The following ZFHX4 variants were observed in gnomAD, a reference collection of about 807,000 sequenced individuals.
ZFHX4 encodes zinc finger homeobox protein 4.
A neutral mutation model predicts 267.6 loss-of-function variants in ZFHX4; 56 were observed. The ratio of observed to expected loss-of-function variants is 0.21; its 90% CI spans 0.17 to 0.26. The LOEUF (loss-of-function observed/expected upper bound fraction) is 0.26. ZFHX4 is among the 10% of genes least tolerant of loss of function. The probability of loss-of-function intolerance (pLI) is 1.00; values close to 1 mark genes in which losing one functional copy is unlikely to be tolerated. For missense variants in ZFHX4, 4,332 were observed against 4,420.0 expected, an observed-to-expected ratio of 0.98 and a Z score of 0.56; for synonymous variants, 1,778 against 1,665.6, an observed-to-expected ratio of 1.07 and a Z score of -1.64.
intron 3 of ZFHX4, among the ~76,000 whole-genome samples, chr8:76,734,044 A>G (rs1262819042): frequency 1.3e-5 from 2 of 152,204 alleles, no homozygotes; most frequent in Admixed American, 1.3e-4. Context: ...GTATTGCTCT[A>G]TGAATACTTT....
intron 4 of ZFHX4, among the ~76,000 whole-genome samples, chr8:76,822,025 A>G (rs1183980254): frequency 3.9e-5 from 6 of 151,960 alleles, no homozygotes; most frequent in Admixed American, 3.3e-4. Context: ...ACATACACAC[A>G]CATGCACACA....
At chr8:76,718,280 A>G (rs1808630342) in intron 3 of ZFHX4, among the ~76,000 whole-genome samples, 1 of 152,202 alleles carries the variant, frequency 6.6e-6, no homozygotes, top group South Asian at 2.1e-4. Context: ...ATTTTATTTA[A>G]TGAATTTACA....
intron 4 of ZFHX4, among the ~76,000 whole-genome samples, chr8:76,814,659 T>C (rs1228422973): frequency 2.0e-5 from 3 of 152,216 alleles, no homozygotes; most frequent in Non-Finnish European, 4.4e-5. Flanking sequence ...TTGGCATTAC[T>C]GTGTTTAATG....
intron 4 of ZFHX4, among the ~76,000 whole-genome samples, chr8:76,823,394 T>A (rs1459423102): frequency 6.6e-6 from 1 of 152,222 alleles, no homozygotes; most frequent in Non-Finnish European, 1.5e-5. Flanking sequence ...CATTAATGAA[T>A]GATTTATTAA....
At chr8:76,721,730 G>T (rs537981143) in intron 3 of ZFHX4, among the ~76,000 whole-genome samples, 1 of 152,100 alleles carries the variant, frequency 6.6e-6, no homozygotes, top group African/African-American at 2.4e-5. Context: ...CTTTGATAAA[G>T]AGTGTCTCTG....
Position 76,865,464 on chromosome 8 carries a change from T to A in ZFHX4, c.*899T>A, listed in dbSNP as rs958444940. On this transcript the variant is annotated 3_prime_UTR_variant, in exon 11 of 11. Transcript: ENST00000651372. ...TTGTGTCTGAACTCTAGTGCACTTA[T>A]GATTTTGTAGACCATGTGAAATTTA... 10 of 152,612 alleles carry A rather than the reference T, an allele frequency of 6.6e-5. No individual in the cohort carries two copies. The highest frequency in any genetic ancestry group is 1.0e-4 in the Non-Finnish European group (7 of 68,026). The allele number at this position is 152,612 out of a possible 1,614,324, so 9.5% of individuals were successfully genotyped here. A position where few individuals can be genotyped will look rare whatever the true frequency, so the allele number is the denominator to read the frequency against.
intron 3 of ZFHX4, among the ~76,000 whole-genome samples, chr8:76,776,341 A>G (rs747159266): frequency 2.0e-5 from 3 of 152,020 alleles, no homozygotes; most frequent in Non-Finnish European, 4.4e-5. Flanking sequence ...TATAATAGCA[A>G]ATACCACCCC....
intron 4 of ZFHX4, among the ~76,000 whole-genome samples, chr8:76,824,263 G>A (rs368817946): frequency 6.6e-6 from 1 of 152,296 alleles, no homozygotes; most frequent in Non-Finnish European, 1.5e-5. Context: ...TCTTAATGGT[G>A]TGTTCAGTAA....
chr8:76,815,165 T>A (rs1161058672), intron 4 of ZFHX4, among the ~76,000 whole-genome samples: 1 of 152,130 alleles, frequency 6.6e-6, no homozygotes, highest in East Asian at 1.9e-4. Flanking sequence ...AGACTTGAGA[T>A]AATGAATATG....
At chr8:76,749,342 C>G (rs1809554974) in intron 3 of ZFHX4, among the ~76,000 whole-genome samples, 1 of 152,058 alleles carries the variant, frequency 6.6e-6, no homozygotes, top group Non-Finnish European at 1.5e-5. Context: ...GACTCTTTGT[C>G]AATTTCTAGA....
chr8:76,808,515 T>C (rs548565700), intron 4 of ZFHX4, among the ~76,000 whole-genome samples: 40 of 152,278 alleles, frequency 2.6e-4, no homozygotes, highest in African/African-American at 8.9e-4. Flanking sequence ...CCAGCGCAAA[T>C]GACTGAATCG....
At position 76,852,962 on chromosome 8, in the gene ZFHX4, C is replaced by G. The variant is rs1265755124; in HGVS notation, c.6041C>G (p.Pro2014Arg). 6.4e-7 allele frequency: 1 copy of G among 1,567,030 alleles called. No homozygotes were observed. Among genetic ancestry groups the G allele is most frequent in the Non-Finnish European group, 8.7e-7 (1 of 1,154,976 alleles). ...PPPPPPPPLP[P>R]APPQPSSMGP... is the part of the protein sequence containing the mutation. The stretch of plus-strand genomic sequence containing the variant: ...CCACCTCCTCCTCCTCCCTTGCCTC[C>G]GGCTCCTCCACAGCCTTCTTCTATG... Residue 2014 changes from proline (P) to arginine (R), a missense_variant, in exon 10 of 11, where the codon CCG (proline) becomes CGG (arginine). Pro to Arg is a moderately radical substitution (Grantham distance 103, BLOSUM62 -2). Transcript: ENST00000651372.
chr8:76,782,850 C>T (rs984786723), intron 4 of ZFHX4, among the ~76,000 whole-genome samples: 4 of 151,952 alleles, frequency 2.6e-5, no homozygotes, highest in South Asian at 2.1e-4. Context: ...CTTGTTAAAA[C>T]GATTCTTTAA....
At chr8:76,811,269 A>T (rs530471222) in intron 4 of ZFHX4, among the ~76,000 whole-genome samples, 1 of 152,320 alleles carries the variant, frequency 6.6e-6, no homozygotes, top group East Asian at 1.9e-4. Flanking sequence ...TTACACATTT[A>T]GCCTGAGACA....
At chr8:76,747,914 C>T (rs1484990978) in intron 3 of ZFHX4, among the ~76,000 whole-genome samples, 4 of 151,296 alleles carry the variant, frequency 2.6e-5, no homozygotes, top group African/African-American at 9.8e-5. Context: ...GCCTGGGCAA[C>T]AGAGCGAGGC....
At chr8:76,758,883 TA>T (rs1809835129) in intron 3 of ZFHX4, among the ~76,000 whole-genome samples, 1 of 152,164 alleles carries the variant, frequency 6.6e-6, no homozygotes, top group African/African-American at 2.4e-5. Flanking sequence ...TGTTCCCTGT[TA>T]AACAACTGTT....
intron 8 of ZFHX4, chr8:76,850,021 AT>A: frequency 1.7e-6 from 1 of 575,354 alleles, no homozygotes; most frequent in Non-Finnish European, 3.1e-6. Context: ...TTATAAAAAA[AT>A]AAACCTACAG....
chr8:76,853,282 C>T lies in ZFHX4; in HGVS notation c.6361C>T (p.Pro2121Ser). The change falls in exon 10 of 11, where the codon CCC (proline) becomes TCC (serine). Residue 2121 changes from proline (P) to serine (S), a missense_variant. Pro to Ser is a moderately conservative substitution (Grantham distance 74). Coordinates refer to ENST00000651372, the MANE Select transcript of ZFHX4 (RefSeq NM_024721.5). ...TTGCCAGCAGCAGCTCGGATTAGAT[C>T]CCAACTTCTTAAGACATTCTCAGTT... ...QLCQQQLGLDPNFLRHSQFKR... is the reference protein window; with the variant it reads ...QLCQQQLGLDSNFLRHSQFKR... The T allele has an allele frequency of 6.2e-7, 1 of 1,605,642 alleles. No individual in the cohort carries two copies.
rs180703155 is a variant in ZFHX4 at position 76,812,014 on chromosome 8, T to C, written c.3326-21324T>C. Among the ~76,000 whole-genome samples the C allele has an allele frequency of 1.2e-4, 19 of 152,376 alleles. 1 individual carries two copies. The highest frequency in any genetic ancestry group is 6.8e-3 in the Middle Eastern group (2 of 294). ...CCTATCAAGGTCAAGAACGCACCTATCTAAATTGCTTTAAAATAGTTTAAT... is the reference window on the plus strand; with the variant it reads ...CCTATCAAGGTCAAGAACGCACCTACCTAAATTGCTTTAAAATAGTTTAAT... On this transcript the variant is annotated intron_variant, in intron 4 of 10. Coordinates refer to ENST00000651372, the MANE Select transcript of ZFHX4 (RefSeq NM_024721.5).
Sources: gnomAD v4.1 joint callset for allele counts (sites outside exome capture counted in the v4.1 genomes callset) on GRCh38, gnomAD v4.1.1 for gene constraint, MANE v1.5 for transcripts, NCBI Gene and HGNC (gene_info 2026-07-23, HGNC 2026-07-21) for gene names.